The following SAMD3 variants were observed in gnomAD, a reference collection of about 807,000 sequenced individuals.
The protein encoded by SAMD3 is sterile alpha motif domain-containing protein 3.
In SAMD3, 63 loss-of-function variants were observed where a neutral mutation model predicts 58.5. That is an observed-to-expected ratio of 1.08 (90% CI 0.88 to 1.33). SAMD3 has a LOEUF of 1.33. Ranked by LOEUF, SAMD3 falls within the 40% of genes most tolerant of loss-of-function variation. The pLI is 0.00. For missense variants in SAMD3, 604 were observed against 608.4 expected, an observed-to-expected ratio of 0.99 and a Z score of 0.08; for synonymous variants, 220 against 210.3, an observed-to-expected ratio of 1.05 and a Z score of -0.40.
At chr6:130,352,258 A>C (rs1163016544) in intron 1 of SAMD3, among the ~76,000 whole-genome samples, 6 of 152,166 alleles carry the variant, frequency 3.9e-5, no homozygotes, top group African/African-American at 1.4e-4. Flanking sequence ...TTTTACATAG[A>C]AAGGGGATAA....
intron 1 of SAMD3, among the ~76,000 whole-genome samples, chr6:130,344,937 C>G (rs1055538526): frequency 2.6e-5 from 4 of 151,774 alleles, no homozygotes; most frequent in Non-Finnish European, 4.4e-5. Context: ...TGCCCACCCC[C>G]CTCCATCTCC....
chr6:130,200,182 C>T (rs1794515843), intron 5 of SAMD3, among the ~76,000 whole-genome samples: 1 of 152,048 alleles, frequency 6.6e-6, no homozygotes. Context: ...AGAAACTCAG[C>T]CCTTTATCTT....
At position 130,175,877 on chromosome 6, in the gene SAMD3, A is replaced by G. The variant is rs1350407448; in HGVS notation, c.786T>C (p.Asp262=). ...CAAGTTTAATTTCATCAAATCTTAT[A>G]TCAGCAAGAGATTTCCTTGTCTGGC... ...RRGQTRKSLA[D]IRFDEIKLVQ... The change falls in exon 8 of 12, where the codon GAT becomes GAC. Residue 262 remains aspartate (D), a synonymous_variant. Transcript: ENST00000439090. 6.2e-7 allele frequency: 1 copy of G among 1,612,916 alleles called. No individual in the cohort carries two copies. The highest frequency in any genetic ancestry group is 8.5e-7 in the Non-Finnish European group (1 of 1,179,256).
At chr6:130,178,899 G>A (rs1293930544) in intron 7 of SAMD3, among the ~76,000 whole-genome samples, 3 of 152,186 alleles carry the variant, frequency 2.0e-5, no homozygotes, top group Admixed American at 6.5e-5. Context: ...ATGAGTCAGA[G>A]GTGCCTTATC....
chr6:130,214,275 G>A (rs4897377), intron 4 of SAMD3, 62 bp downstream of exon 4: 908,328 of 1,335,552 alleles, frequency 0.68, 309,784 homozygotes, highest in Middle Eastern at 0.74. Flanking sequence ...CAAACGTCAC[G>A]CTCTAGCCAT....
chr6:130,330,175 A>T (rs1289210233), intron 1 of SAMD3, among the ~76,000 whole-genome samples: 5 of 152,190 alleles, frequency 3.3e-5, no homozygotes, highest in Non-Finnish European at 5.9e-5. Context: ...TGAAGTAAGG[A>T]TTGTTGCCTG....
intron 2 of SAMD3, among the ~76,000 whole-genome samples, chr6:130,263,335 C>T (rs1774210009): frequency 6.6e-6 from 1 of 152,170 alleles, no homozygotes; most frequent in Non-Finnish European, 1.5e-5. Flanking sequence ...TCTTTTAGCA[C>T]TTGTACCACC....
chr6:130,270,384 C>T lies in SAMD3; in HGVS notation c.-188+42594G>A, dbSNP rs530337664. Among the ~76,000 whole-genome samples the T allele has an allele frequency of 1.6e-3, 239 of 152,292 alleles. 1 individual carries two copies. In the South Asian group the frequency reaches 0.018, roughly 11 times the overall value. The stretch of plus-strand genomic sequence containing the variant: ...CTGGGATTACGGGCTTGAGCCCCTG[C>T]GTCAGGCCAGGATGTCTTAGTAGTC... On this transcript the variant is annotated intron_variant, in intron 2 of 13. Coordinates refer to the SAMD3 transcript ENST00000368134.
intron 8 of SAMD3, among the ~76,000 whole-genome samples, chr6:130,156,028 T>C (rs888005479): frequency 6.6e-6 from 1 of 152,054 alleles, no homozygotes; most frequent in Non-Finnish European, 1.5e-5. Flanking sequence ...TTCAAATTTA[T>C]GCAAAATTTT....
At chr6:130,270,967 A>C (rs1774537638) in intron 2 of SAMD3, among the ~76,000 whole-genome samples, 1 of 151,412 alleles carries the variant, frequency 6.6e-6, no homozygotes, top group Non-Finnish European at 1.5e-5. Flanking sequence ...ATTGCCTTCA[A>C]AAGAATTTGT....
rs552495425 is a variant in SAMD3, at chr6:130,186,219, G to T, written c.384-1596C>A. On this transcript the variant is annotated intron_variant, in intron 5 of 11. Coordinates refer to ENST00000439090, the MANE Select transcript of SAMD3 (RefSeq NM_001017373.4). ...AGATTTCCTAAATTGGCCTAAGTAG[G>T]TTAATTTTCTGATGACCATGGAACC... Among the ~76,000 whole-genome samples, 3 of 152,132 alleles carry T rather than the reference G, an allele frequency of 2.0e-5. No individual in the cohort carries two copies. In the South Asian group the frequency reaches 6.2e-4, roughly 32 times the overall value.
At chr6:130,214,605 T>TTC in intron 3 of SAMD3, 79 bp from the exon 4 acceptor site, 4 of 1,006,738 alleles carry the variant, frequency 4.0e-6, no homozygotes, top group Non-Finnish European at 5.6e-6. Flanking sequence ...AAATTACCTC[T>TTC]AGTGATAAAA....
chr6:130,252,094 A>G (rs1773758471), intron 2 of SAMD3, among the ~76,000 whole-genome samples: 1 of 151,926 alleles, frequency 6.6e-6, no homozygotes, highest in Non-Finnish European at 1.5e-5. Context: ...TCATGCATAT[A>G]TATTTATAAT....
At chr6:130,147,135 T>C (rs1788710688) in intron 9 of SAMD3, among the ~76,000 whole-genome samples, 1 of 152,134 alleles carries the variant, frequency 6.6e-6, no homozygotes, top group African/African-American at 2.4e-5. Context: ...CCCCCTCCTG[T>C]TTTTGACAGT....
chr6:130,234,590 G>A (rs1264092736), intron 2 of SAMD3, among the ~76,000 whole-genome samples: 4 of 152,086 alleles, frequency 2.6e-5, no homozygotes, highest in Non-Finnish European at 5.9e-5. Flanking sequence ...TACATGTCCT[G>A]GATCACTACC....
chr6:130,212,676 G>T (rs536151619), intron 4 of SAMD3, among the ~76,000 whole-genome samples: 1 of 152,312 alleles, frequency 6.6e-6, no homozygotes, highest in South Asian at 2.1e-4. Flanking sequence ...AGGTTTCCTG[G>T]CAGTCCAGCT....
intron 5 of SAMD3, among the ~76,000 whole-genome samples, chr6:130,198,316 C>T (rs879843062): frequency 1.1e-4 from 16 of 152,214 alleles, no homozygotes; most frequent in African/African-American, 3.9e-4. Flanking sequence ...GGAAGCCTCC[C>T]CCCTTAGCCT....
At chr6:130,258,772 A>G (rs1459754629) in intron 2 of SAMD3, among the ~76,000 whole-genome samples, 4 of 152,058 alleles carry the variant, frequency 2.6e-5, no homozygotes, top group Non-Finnish European at 5.9e-5. Context: ...TTTTGGGAAG[A>G]TTTTTTTAAA....
chr6:130,271,447 A>C (rs575010055), intron 2 of SAMD3, among the ~76,000 whole-genome samples: 70 of 152,310 alleles, frequency 4.6e-4, no homozygotes, highest in African/African-American at 1.7e-3. Flanking sequence ...GTGAATGAGC[A>C]TCTTTTCTTA....
Sources: allele counts gnomAD v4.1 joint callset (sites outside exome capture counted in the v4.1 genomes callset), GRCh38; gene constraint gnomAD v4.1.1; transcripts MANE v1.5; gene names NCBI Gene and HGNC (gene_info 2026-07-23, HGNC 2026-07-21).